ARHGAP32: variants seen among roughly 807,000 people sequenced by gnomAD.
The protein encoded by ARHGAP32 is rho GTPase-activating protein 32.
Under a neutral mutation model 186.5 loss-of-function variants are expected in ARHGAP32, and 51 were observed. The observed-to-expected ratio is 0.27, with a 90% CI of 0.22 to 0.35. The LOEUF (loss-of-function observed/expected upper bound fraction) is 0.35. Among genes scored for constraint, ARHGAP32 ranks in the 10% least tolerant of loss-of-function variants. The pLI, the probability that ARHGAP32 is intolerant of heterozygous loss-of-function variation, is 1.00. For synonymous variants in ARHGAP32, 950 were observed against 964.3 expected (o/e 0.99, Z 0.27); for missense variants, 2,186 against 2,623.5 (o/e 0.83, Z 3.64).
intron 6 of ARHGAP32, among the ~76,000 whole-genome samples, chr11:129,067,294 A>C (rs1346069442): frequency 6.6e-6 from 1 of 152,236 alleles, no homozygotes; most frequent in African/African-American, 2.4e-5. Context: ...AATATACTAA[A>C]AAACCAAAAC....
At chr11:129,021,833 A>G (rs527761962) in intron 11 of ARHGAP32, among the ~76,000 whole-genome samples, 3 of 152,186 alleles carry the variant, frequency 2.0e-5, no homozygotes, top group South Asian at 2.1e-4. Flanking sequence ...CGGTTATTAT[A>G]TAAGAGACTA....
intron 1 of ARHGAP32, among the ~76,000 whole-genome samples, chr11:129,241,813 G>C (rs1455403825): frequency 2.0e-5 from 3 of 152,146 alleles, no homozygotes; most frequent in Non-Finnish European, 4.4e-5. Flanking sequence ...CCAAGATGCT[G>C]CCTCTCCAGA....
chr11:129,169,109 AAAG>A (rs1943699579), intron 1 of ARHGAP32, among the ~76,000 whole-genome samples: 1 of 152,234 alleles, frequency 6.6e-6, no homozygotes, highest in Non-Finnish European at 1.5e-5. Flanking sequence ...GAAGCTAGAA[AAAG>A]AATAGTAAAT....
intron 11 of ARHGAP32, among the ~76,000 whole-genome samples, chr11:129,026,661 C>G (rs1455990523): frequency 6.6e-6 from 1 of 151,780 alleles, no homozygotes; most frequent in Non-Finnish European, 1.5e-5. Flanking sequence ...GGCATGGTGG[C>G]GCATGCCTGT....
intron 10 of ARHGAP32, among the ~76,000 whole-genome samples, chr11:129,051,465 C>G (rs944246332): frequency 6.6e-6 from 1 of 152,086 alleles, no homozygotes; most frequent in Non-Finnish European, 1.5e-5. Flanking sequence ...CTGTTTATAT[C>G]CTTTGCCCAC....
At chr11:129,229,775 T>C (rs1944833789) in intron 1 of ARHGAP32, among the ~76,000 whole-genome samples, 1 of 152,154 alleles carries the variant, frequency 6.6e-6, no homozygotes, top group Admixed American at 6.6e-5. Context: ...AGTCTGAATA[T>C]TAAGATATAT....
At chr11:129,117,933 A>G (rs1942415971) in intron 5 of ARHGAP32, among the ~76,000 whole-genome samples, 1 of 152,030 alleles carries the variant, frequency 6.6e-6, no homozygotes, top group Non-Finnish European at 1.5e-5. Flanking sequence ...GAATAATACA[A>G]CAGGGAAAAT....
At chr11:129,196,044 G>T (rs1281718203), upstream of ARHGAP32, among the ~76,000 whole-genome samples, 1 of 152,216 alleles carries the variant, frequency 6.6e-6, no homozygotes. Flanking sequence ...GAACTAGCTG[G>T]TTCTCATCTT....
intron 2 of ARHGAP32, among the ~76,000 whole-genome samples, chr11:129,131,012 A>T (rs1286757154): frequency 2.0e-5 from 3 of 152,196 alleles, no homozygotes; most frequent in African/African-American, 7.2e-5. Flanking sequence ...TCGAAAAATA[A>T]TTATTAATAT....
At chr11:129,077,662 C>T (rs923319322) in intron 6 of ARHGAP32, among the ~76,000 whole-genome samples, 14 of 152,212 alleles carry the variant, frequency 9.2e-5, no homozygotes, top group South Asian at 4.2e-4. Flanking sequence ...AGCTCAGATC[C>T]GCCTAACGCT....
chr11:129,021,232 TG>T (rs11311651), intron 11 of ARHGAP32, among the ~76,000 whole-genome samples: 16,744 of 151,964 alleles, frequency 0.11, 1,039 homozygotes, highest in Middle Eastern at 0.14. Context: ...AAAATAAATC[TG>T]TAGTAGATTT....
At chr11:129,166,197 C>G (rs570612392) in intron 1 of ARHGAP32, among the ~76,000 whole-genome samples, 1 of 150,136 alleles carries the variant, frequency 6.7e-6, no homozygotes, top group East Asian at 2.0e-4. Flanking sequence ...CATTGAAGAA[C>G]ACAGAGAAAA....
At chr11:129,251,448 A>G (rs1945180663) in intron 1 of ARHGAP32, among the ~76,000 whole-genome samples, 1 of 152,246 alleles carries the variant, frequency 6.6e-6, no homozygotes, top group African/African-American at 2.4e-5. Context: ...AAATGTATTT[A>G]GGAAAACAGA....
At chr11:129,086,628 C>T (rs12274140) in intron 6 of ARHGAP32, among the ~76,000 whole-genome samples, 2,394 of 151,952 alleles carry the variant, frequency 0.016, 22 homozygotes, top group African/African-American at 0.027. Flanking sequence ...GAGACCATCC[C>T]GGCTAGCACG....
At chr11:128,981,674 T>C (rs2136105050) in intron 16 of ARHGAP32, 113 bp from the exon 17 acceptor site, 2 of 1,271,832 alleles carry the variant, frequency 1.6e-6, no homozygotes, top group Non-Finnish European at 2.2e-6. Flanking sequence ...ACTTTTACTG[T>C]CCCTTAGCTA....
chr11:129,192,686 T>A (rs1056623025), upstream of ARHGAP32, among the ~76,000 whole-genome samples: 2 of 152,044 alleles, frequency 1.3e-5, no homozygotes, highest in African/African-American at 4.8e-5. Flanking sequence ...AGGCTCACAA[T>A]AAGTAGAGAA....
At chr11:129,053,163 C>T (rs1470091819) in intron 10 of ARHGAP32, among the ~76,000 whole-genome samples, 1 of 152,064 alleles carries the variant, frequency 6.6e-6, no homozygotes, top group African/African-American at 2.4e-5. Context: ...GTTGGTAAGA[C>T]ATATTCTGAT....
At chr11:129,229,858 C>T (rs1347112251) in intron 1 of ARHGAP32, among the ~76,000 whole-genome samples, 2 of 152,208 alleles carry the variant, frequency 1.3e-5, no homozygotes, top group East Asian at 3.9e-4. Flanking sequence ...GTCTCACTCA[C>T]CCAAGCTGCA....
Position 128,971,053 on chromosome 11 carries a change from G to C in ARHGAP32, c.4160C>G (p.Pro1387Arg), listed in dbSNP as rs1203968023. ...SDSGAAAAQCPMATAVQPGLP... is the reference protein window; with the variant it reads ...SDSGAAAAQCRMATAVQPGLP... ...GCCTGGCTGGACAGCTGTAGCCATGGGACACTGAGCAGCAGCAGCACCACT... is the reference window on the plus strand; with the variant it reads ...GCCTGGCTGGACAGCTGTAGCCATGCGACACTGAGCAGCAGCAGCACCACT... Residue 1387 changes from proline (P) to arginine (R), a missense_variant, in exon 23 of 23, where the codon CCC becomes CGC. Transcript: ENST00000682385. 1 of 1,613,964 alleles carries C rather than the reference G, an allele frequency of 6.2e-7. No individual in the cohort carries two copies. The highest frequency in any genetic ancestry group is 8.5e-7 in the Non-Finnish European group (1 of 1,180,026).
Sources: gnomAD v4.1 joint callset for allele counts (sites outside exome capture counted in the v4.1 genomes callset) on GRCh38, gnomAD v4.1.1 for gene constraint, MANE v1.5 for transcripts, NCBI Gene and HGNC (gene_info 2026-07-23, HGNC 2026-07-21) for gene names.